The following MMP16 variants were observed in gnomAD, a reference collection of about 807,000 sequenced individuals.
The protein encoded by MMP16 is matrix metallopeptidase 16, also known as matrix metalloproteinase-16.
A neutral mutation model predicts 67.8 loss-of-function variants in MMP16; 12 were observed. That is an observed-to-expected ratio of 0.18 (90% CI 0.11 to 0.29). MMP16 has a LOEUF of 0.29. MMP16 is among the 10% of genes least tolerant of loss of function. The pLI, the probability that MMP16 is intolerant of heterozygous loss-of-function variation, is 1.00. For missense variants in MMP16, 475 were observed against 765.7 expected (o/e 0.62, Z 4.48); for synonymous variants, 249 against 255.9 (o/e 0.97, Z 0.26).
chr8:88,287,207 T>A (rs1293750523), intron 1 of MMP16, among the ~76,000 whole-genome samples: 4 of 152,108 alleles, frequency 2.6e-5, no homozygotes, highest in Non-Finnish European at 4.4e-5. Flanking sequence ...CAGCCCCAAC[T>A]TACAACCAGT....
At chr8:88,134,976 T>G (rs1440398052) in intron 4 of MMP16, among the ~76,000 whole-genome samples, 1 of 151,640 alleles carries the variant, frequency 6.6e-6, no homozygotes, top group Non-Finnish European at 1.5e-5. Flanking sequence ...TTTTCATCAT[T>G]AAAAAAAGGA....
intron 1 of MMP16, among the ~76,000 whole-genome samples, chr8:88,223,570 T>C (rs1025052684): frequency 2.0e-5 from 3 of 151,538 alleles, no homozygotes; most frequent in African/African-American, 7.3e-5. Context: ...GAAACCATCA[T>C]TCTGAGCAAA....
At chr8:88,245,178 G>C (rs530023825) in intron 1 of MMP16, among the ~76,000 whole-genome samples, 1 of 152,252 alleles carries the variant, frequency 6.6e-6, no homozygotes, top group South Asian at 2.1e-4. Flanking sequence ...GCGAATATTG[G>C]AATTGAAATT....
At chr8:88,106,120 T>G (rs1333259388) in intron 6 of MMP16, among the ~76,000 whole-genome samples, 1 of 150,774 alleles carries the variant, frequency 6.6e-6, no homozygotes, top group Non-Finnish European at 1.5e-5. Context: ...TAGATTTCAC[T>G]TTCTCTCCTA....
intron 4 of MMP16, among the ~76,000 whole-genome samples, chr8:88,144,584 A>G (rs1428125529): frequency 3.3e-5 from 5 of 151,842 alleles, no homozygotes; most frequent in Non-Finnish European, 4.4e-5. Context: ...TTATATAGAG[A>G]GAGACTAATA....
At chr8:88,112,587 T>A (rs1353770157) in intron 6 of MMP16, among the ~76,000 whole-genome samples, 1 of 151,620 alleles carries the variant, frequency 6.6e-6, no homozygotes, top group Admixed American at 6.6e-5. Context: ...TGAATCTCAT[T>A]TCCTTGGATT....
At chr8:88,050,426 A>C (rs1808255360) in intron 8 of MMP16, among the ~76,000 whole-genome samples, 2 of 152,226 alleles carry the variant, frequency 1.3e-5, no homozygotes, top group Admixed American at 1.3e-4. Context: ...CCTAGCAACC[A>C]GATTAGTTTT....
At chr8:88,156,043 A>G (rs987774007) in intron 4 of MMP16, among the ~76,000 whole-genome samples, 2 of 152,140 alleles carry the variant, frequency 1.3e-5, no homozygotes, top group Non-Finnish European at 2.9e-5. Flanking sequence ...AAATACACAA[A>G]ATTAATTTAG....
chr8:88,214,684 C>T (rs931474100), intron 1 of MMP16, among the ~76,000 whole-genome samples: 9 of 152,078 alleles, frequency 5.9e-5, no homozygotes, highest in African/African-American at 1.9e-4. Context: ...AAGTATAAAT[C>T]GTCTGCTTAT....
chr8:88,086,102 G>A (rs772766453), intron 6 of MMP16, among the ~76,000 whole-genome samples: 1 of 151,804 alleles, frequency 6.6e-6, no homozygotes, highest in African/African-American at 2.4e-5. Context: ...TAGAAAGAGC[G>A]AGCTGGGGAG....
At chr8:88,137,129 A>AT (rs1023019373) in intron 4 of MMP16, among the ~76,000 whole-genome samples, 1 of 152,022 alleles carries the variant, frequency 6.6e-6, no homozygotes, top group African/African-American at 2.4e-5. Context: ...CAGATGAGTA[A>AT]TGATGTTGAC....
intron 1 of MMP16, among the ~76,000 whole-genome samples, chr8:88,244,001 G>GT (rs1747230708): frequency 2.0e-5 from 3 of 151,284 alleles, no homozygotes; most frequent in South Asian, 4.2e-4. Flanking sequence ...TACTGGAATT[G>GT]TTTTTTATTA....
chr8:88,111,226 A>G (rs1347808622), intron 6 of MMP16, among the ~76,000 whole-genome samples: 1 of 151,720 alleles, frequency 6.6e-6, no homozygotes, highest in East Asian at 1.9e-4. Context: ...ATCCCACTAT[A>G]TGGGGTTACA....
rs35201322 is a variant in MMP16, at chr8:88,235,390, C to CAA, written c.133-38086_133-38085dup. Among the ~76,000 whole-genome samples, 758 of 116,180 alleles carry CAA rather than the reference C, an allele frequency of 6.5e-3. 15 individuals carry two copies. Among genetic ancestry groups the CAA allele is most frequent in the South Asian group, 0.047 (168 of 3,604 alleles). The allele number at this position is 116,180 out of a possible 152,430, so 76.2% of individuals were successfully genotyped here. ...CGGGCAACAGAGCAAGACTCCATCT[C>CAA]AAAAAAAAAAAAAAAAAATCAAACT... is the stretch of plus-strand genomic sequence containing the variant. On this transcript the variant is annotated intron_variant, in intron 1 of 9. Coordinates refer to ENST00000286614, the MANE Select transcript of MMP16 (RefSeq NM_005941.5).
intron 3 of MMP16, among the ~76,000 whole-genome samples, chr8:88,185,805 T>A (rs1289266837): frequency 6.6e-6 from 1 of 152,162 alleles, no homozygotes; most frequent in Admixed American, 6.5e-5. Context: ...CCTTTCTTTT[T>A]ATAACAAGCA....
intron 1 of MMP16, among the ~76,000 whole-genome samples, chr8:88,227,142 G>C (rs904332953): frequency 1.3e-5 from 2 of 151,984 alleles, no homozygotes; most frequent in Admixed American, 6.6e-5. Context: ...TAGTCTGTGA[G>C]ATCACACTGT....
chr8:88,181,974 C>T lies in MMP16; in HGVS notation c.404+4502G>A, dbSNP rs549346236. Among the ~76,000 whole-genome samples the T allele has an allele frequency of 2.0e-5, 3 of 152,060 alleles. No individual in the cohort carries two copies. The East Asian group carries it at 5.8e-4, about 29-fold the overall frequency. On this transcript the variant is annotated intron_variant, in intron 3 of 9. Coordinates refer to ENST00000286614, the MANE Select transcript of MMP16 (RefSeq NM_005941.5). ...CACAAGTAAAAGAAGTGAATCTAGA[C>T]ACAGACTTTATACACTCTCAAACAT...
At chr8:88,239,804 CA>C (rs1472554240) in intron 1 of MMP16, among the ~76,000 whole-genome samples, 1 of 152,080 alleles carries the variant, frequency 6.6e-6, no homozygotes, top group Admixed American at 6.5e-5. Context: ...AAATAAAAGT[CA>C]AAAATTAACA....
At position 88,041,802 on chromosome 8, in the gene MMP16, G is replaced by A. The variant is rs1179747712; in HGVS notation, c.1490-7C>T. On this transcript the variant is annotated splice_polypyrimidine_tract_variant and splice_region_variant and intron_variant, in intron 9 of 9. Transcript: ENST00000286614. This position sits in a 1 kb window ranked among gnomAD's most constrained non-coding sequence, Gnocchi z 6.0. ...TTGTAGAAATACGTAAAGCCTAGGG[G>A]GAAAAACATACACACACACAGGTAC... 1.9e-6 allele frequency: 3 copies of A among 1,588,638 alleles called. No individual in the cohort carries two copies. Among genetic ancestry groups the A allele is most frequent in the East Asian group, 2.2e-5 (1 of 44,616 alleles).
Sources: allele counts gnomAD v4.1 joint callset (sites outside exome capture counted in the v4.1 genomes callset), GRCh38; gene constraint gnomAD v4.1.1; non-coding constraint Gnocchi (gnomAD v3.1); transcripts MANE v1.5; gene names NCBI Gene and HGNC (gene_info 2026-07-23, HGNC 2026-07-21).